FGF14: variants seen among roughly 807,000 people sequenced by gnomAD.
FGF14 encodes fibroblast growth factor 14.
Under a neutral mutation model 25.5 loss-of-function variants are expected in FGF14, and 5 were observed. That is an observed-to-expected ratio of 0.20 (90% CI 0.10 to 0.41). The LOEUF (loss-of-function observed/expected upper bound fraction) is 0.41, where lower values mean the gene tolerates loss of function less well. Ranked by LOEUF, FGF14 falls within the 10% of genes least tolerant of loss-of-function variation. The pLI is 1.00. For synonymous variants in FGF14, 138 were observed against 118.3 expected, an observed-to-expected ratio of 1.17 and a Z score of -1.08; for missense variants, 222 against 320.1, an observed-to-expected ratio of 0.69 and a Z score of 2.34.
At chr13:102,397,099 C>T (rs1041524467) in intron 1 of FGF14, among the ~76,000 whole-genome samples, 3 of 152,182 alleles carry the variant, frequency 2.0e-5, no homozygotes, top group Non-Finnish European at 2.9e-5. Flanking sequence ...TCACCCAGCT[C>T]TACTGGAACC....
intron 1 of FGF14, among the ~76,000 whole-genome samples, chr13:102,020,091 T>C (rs2040556663): frequency 6.6e-6 from 1 of 152,142 alleles, no homozygotes; most frequent in Admixed American, 6.5e-5. Flanking sequence ...ATGTTGATGA[T>C]AATGAATAGT....
chr13:101,806,015 T>C (rs552565734), intron 3 of FGF14, among the ~76,000 whole-genome samples: 17 of 152,112 alleles, frequency 1.1e-4, no homozygotes, highest in African/African-American at 3.6e-4. Flanking sequence ...AGTTTCATTA[T>C]TGTATATGGA....
At chr13:101,920,059 C>A (rs1449975288), upstream of FGF14, among the ~76,000 whole-genome samples, 1 of 152,136 alleles carries the variant, frequency 6.6e-6, no homozygotes. Flanking sequence ...CATTTTACCT[C>A]CCCAAAACGC....
intron 1 of FGF14, among the ~76,000 whole-genome samples, chr13:101,996,863 C>A (rs115776437): frequency 0.017 from 2,656 of 152,054 alleles, 71 homozygotes; most frequent in African/African-American, 0.06. Flanking sequence ...AGAGAGGAAG[C>A]AACAGAAACC....
At position 101,916,862 on chromosome 13, in the gene FGF14, G is replaced by A. The variant is rs1039315065; in HGVS notation, c.-217C>T. On this transcript the variant is annotated 5_prime_UTR_variant, in exon 1 of 5. Coordinates refer to ENST00000376143, the MANE Select transcript of FGF14 (RefSeq NM_004115.4). Reference sequence around the variant, plus strand: ...GGCCAGGCGCGCAGATGCGCCCAGGGCGCAGCCGGACGATCCCGGGAAGCC... The same window carrying A: ...GGCCAGGCGCGCAGATGCGCCCAGGACGCAGCCGGACGATCCCGGGAAGCC... Among the ~76,000 whole-genome samples, 4 of 152,266 alleles carry A rather than the reference G, an allele frequency of 2.6e-5. No individual in the cohort carries two copies. The highest frequency in any genetic ancestry group is 9.6e-5 in the African/African-American group (4 of 41,574).
chr13:102,041,595 A>AAG (rs1555345220), intron 1 of FGF14, among the ~76,000 whole-genome samples: 10 of 149,850 alleles, frequency 6.7e-5, no homozygotes, highest in African/African-American at 1.7e-4. Context: ...AAAAAAAAAA[A>AAG]AGAGAGATTT....
At chr13:101,758,351 C>T (rs570404548) in intron 3 of FGF14, among the ~76,000 whole-genome samples, 1 of 152,292 alleles carries the variant, frequency 6.6e-6, no homozygotes, top group South Asian at 2.1e-4. Context: ...AGAGTAGGAG[C>T]GAGTTTGCAT....
At chr13:102,129,896 T>C (rs2046119293) in intron 1 of FGF14, among the ~76,000 whole-genome samples, 1 of 152,154 alleles carries the variant, frequency 6.6e-6, no homozygotes, top group Non-Finnish European at 1.5e-5. Context: ...TCTATTCTAT[T>C]GGGTAATAAA....
At chr13:101,945,404 A>C (rs1181080270) in intron 1 of FGF14, among the ~76,000 whole-genome samples, 1 of 152,244 alleles carries the variant, frequency 6.6e-6, no homozygotes, top group Non-Finnish European at 1.5e-5. Flanking sequence ...GCAAAAAATA[A>C]TCCAAACACG....
intron 3 of FGF14, among the ~76,000 whole-genome samples, chr13:101,781,884 G>C (rs939590281): frequency 6.6e-5 from 10 of 152,204 alleles, no homozygotes; most frequent in Admixed American, 5.9e-4. Flanking sequence ...TATAAGCAAA[G>C]AGCCAAACCA....
At chr13:101,856,600 G>A (rs961342635) in intron 3 of FGF14, among the ~76,000 whole-genome samples, 10 of 151,890 alleles carry the variant, frequency 6.6e-5, no homozygotes, top group Non-Finnish European at 1.3e-4. Context: ...TAACACAACC[G>A]TAAGAATATG....
chr13:102,075,163 A>C (rs923217036), intron 1 of FGF14, among the ~76,000 whole-genome samples: 2 of 152,238 alleles, frequency 1.3e-5, no homozygotes. Flanking sequence ...TACATTCTTA[A>C]ACATTAAAAA....
chr13:102,249,416 G>A (rs2052050215), intron 1 of FGF14, among the ~76,000 whole-genome samples: 1 of 152,182 alleles, frequency 6.6e-6, no homozygotes, highest in Non-Finnish European at 1.5e-5. Flanking sequence ...GAAAAGGTTG[G>A]CCTTGAAGAC....
At chr13:102,045,981 T>C (rs1595097045) in intron 1 of FGF14, 1 of 154,396 alleles carries the variant, frequency 6.5e-6, no homozygotes, top group East Asian at 1.9e-4. Context: ...ATCACAGCAA[T>C]TACCAAGTGA....
intron 1 of FGF14, among the ~76,000 whole-genome samples, chr13:101,898,365 C>CACAT (rs1000464649): frequency 1.9e-4 from 29 of 151,966 alleles, no homozygotes; most frequent in African/African-American, 6.3e-4. Context: ...CACACACACA[C>CACAT]ACACACACAC....
At chr13:102,071,519 C>T (rs2043153793) in intron 1 of FGF14, among the ~76,000 whole-genome samples, 1 of 152,116 alleles carries the variant, frequency 6.6e-6, no homozygotes, top group African/African-American at 2.4e-5. Flanking sequence ...ATAATCATCA[C>T]ATTAAGATTA....
intron 1 of FGF14, among the ~76,000 whole-genome samples, chr13:102,324,662 A>G (rs147409566): frequency 9.8e-5 from 15 of 152,294 alleles, no homozygotes; most frequent in African/African-American, 3.6e-4. Context: ...GTCAGGTGAC[A>G]TGATCTCCAA....
At chr13:102,047,674 T>C (rs531494268) in intron 1 of FGF14, among the ~76,000 whole-genome samples, 6 of 151,974 alleles carry the variant, frequency 3.9e-5, no homozygotes, top group Non-Finnish European at 8.8e-5. Flanking sequence ...CACCGGGGCC[T>C]GTTGTGGGGT....
intron 1 of FGF14, among the ~76,000 whole-genome samples, chr13:101,940,206 G>A (rs748756590): frequency 6.6e-6 from 1 of 152,190 alleles, no homozygotes; most frequent in Non-Finnish European, 1.5e-5. Context: ...AAATAGGCAG[G>A]CTGTCAAATA....
Sources: gnomAD v4.1 joint callset for allele counts (sites outside exome capture counted in the v4.1 genomes callset) on GRCh38, gnomAD v4.1.1 for gene constraint, MANE v1.5 for transcripts, NCBI Gene and HGNC (gene_info 2026-07-23, HGNC 2026-07-21) for gene names.